UBE3A: variants seen among roughly 807,000 people sequenced by gnomAD.
UBE3A encodes ubiquitin protein ligase E3A, also known as ubiquitin-protein ligase E3A.
In UBE3A, 6 loss-of-function variants were observed where a neutral mutation model predicts 83.4. That is an observed-to-expected ratio of 0.07 (90% CI 0.04 to 0.14). The LOEUF (loss-of-function observed/expected upper bound fraction) is 0.14. UBE3A is among the 10% of genes least tolerant of loss of function. UBE3A has a pLI of 1.00. For synonymous variants in UBE3A, 337 were observed against 355.4 expected, an observed-to-expected ratio of 0.95 and a Z score of 0.58; for missense variants, 456 against 1,036.1, an observed-to-expected ratio of 0.44 and a Z score of 7.69.
At position 25,371,151 on chromosome 15, in the gene UBE3A, C is replaced by A; in HGVS notation, c.1023G>T (p.Gln341His). 1 of 1,614,158 alleles carries A rather than the reference C, an allele frequency of 6.2e-7. No individual in the cohort carries two copies. Among genetic ancestry groups the A allele is most frequent in the Non-Finnish European group, 8.5e-7 (1 of 1,180,028 alleles). Residue 341 changes from glutamine to histidine, a missense_variant, in exon 6 of 13, where the codon CAG becomes CAT. This residue lies in a region of UBE3A where 85 missense variants were observed against 137.0 expected (regional missense o/e 0.62). Coordinates refer to ENST00000648336, the MANE Select transcript of UBE3A (RefSeq NM_130839.5). The surrounding 1 kb of genome is among the most constrained non-coding windows in gnomAD (Gnocchi z 5.3). The part of the protein sequence containing the change: ...DQIRRMMETF[Q>H]QLITYKVISN... ...TTATGACTTTATAAGTAATAAGTTG[C>A]TGAAATGTCTCCATCATTCTCCGAA...
In UBE3A at chr15:25,438,866, T is replaced by G. The variant is rs1233742980; in HGVS notation, c.-542A>C. On this transcript the variant is annotated 5_prime_UTR_variant, in exon 1 of 13. Coordinates refer to ENST00000648336, the MANE Select transcript of UBE3A (RefSeq NM_130839.5). ...GATGGCGGGCGCCCGCGCTGGCGGA[T>G]GGCTACGCGGCGGAGGGGTGCGCGA... is the stretch of plus-strand genomic sequence containing the variant. 1 of 152,714 alleles carries G rather than the reference T, an allele frequency of 6.5e-6. No individual in the cohort carries two copies. Among genetic ancestry groups the G allele is most frequent in the African/African-American group, 2.4e-5 (1 of 41,436 alleles). 9.5% of individuals were successfully genotyped at this position (152,714 alleles called of 1,614,324 possible).
chr15:25,409,407 T>C (rs1002240072), intron 2 of UBE3A, 200 bp from the exon 3 acceptor site: 1 of 305,432 alleles, frequency 3.3e-6, no homozygotes, highest in Non-Finnish European at 6.1e-6. Context: ...GAAAATGTAA[T>C]AATTCCTTGT....
chr15:25,367,048 C>CCT (rs1317315079), intron 6 of UBE3A, among the ~76,000 whole-genome samples: 1 of 151,424 alleles, frequency 6.6e-6, no homozygotes, highest in Non-Finnish European at 1.5e-5. Context: ...AAACTTATAA[C>CCT]CTCTATCTTC....
chr15:25,404,932 A>T (rs1052350441), intron 4 of UBE3A, among the ~76,000 whole-genome samples: 1 of 150,700 alleles, frequency 6.6e-6, no homozygotes, highest in African/African-American at 2.4e-5. Flanking sequence ...GGCCACTCTT[A>T]CTTCCCTGCC....
chr15:25,362,373 T>C (rs1255571805), intron 6 of UBE3A, among the ~76,000 whole-genome samples: 7 of 152,140 alleles, frequency 4.6e-5, no homozygotes, highest in African/African-American at 1.7e-4. Flanking sequence ...AGACCAAGAG[T>C]CAGTCAGAAT....
chr15:25,368,585 T>C (rs575149753), intron 6 of UBE3A, among the ~76,000 whole-genome samples: 1 of 152,208 alleles, frequency 6.6e-6, no homozygotes, highest in East Asian at 1.9e-4. Context: ...CAAGTACATA[T>C]ACTATCTAGT....
intron 6 of UBE3A, among the ~76,000 whole-genome samples, chr15:25,362,414 A>G (rs925150363): frequency 6.6e-6 from 1 of 152,222 alleles, no homozygotes; most frequent in Admixed American, 6.5e-5. Context: ...CTCACTTACC[A>G]TAACTTTTAA....
At chr15:25,430,022 A>G (rs1892596527) in intron 1 of UBE3A, among the ~76,000 whole-genome samples, 2 of 27,998 alleles carry the variant, frequency 7.1e-5, no homozygotes, top group South Asian at 3.1e-3. Context: ...AAAACAAAAA[A>G]AAACCTATAT....
At chr15:25,366,128 A>G (rs888848726) in intron 6 of UBE3A, among the ~76,000 whole-genome samples, 1 of 152,156 alleles carries the variant, frequency 6.6e-6, no homozygotes, top group South Asian at 2.1e-4. Context: ...TCTCTCATTC[A>G]GTTTCTGAGA....
chr15:25,358,058 G>T (rs1346416973), intron 7 of UBE3A, among the ~76,000 whole-genome samples: 3 of 151,822 alleles, frequency 2.0e-5, no homozygotes, highest in Non-Finnish European at 2.9e-5. Context: ...CTGCGTGGAG[G>T]CCTTTTTTAT....
intron 11 of UBE3A, among the ~76,000 whole-genome samples, chr15:25,344,964 A>AT (rs1470364558): frequency 6.6e-6 from 1 of 152,064 alleles, no homozygotes; most frequent in African/African-American, 2.4e-5. Flanking sequence ...TATTATTATT[A>AT]TTTTTTGTTT....
intron 4 of UBE3A, among the ~76,000 whole-genome samples, chr15:25,395,997 G>C (rs1459169454): frequency 6.6e-6 from 1 of 152,120 alleles, no homozygotes; most frequent in Non-Finnish European, 1.5e-5. Context: ...GAGGTCAGGA[G>C]TTCAAGACCA....
At chr15:25,390,214 C>T (rs751160879) in intron 4 of UBE3A, among the ~76,000 whole-genome samples, 2 of 152,098 alleles carry the variant, frequency 1.3e-5, no homozygotes, top group Admixed American at 6.5e-5. Context: ...AAAAGGATAG[C>T]GTCATATTAG....
At chr15:25,339,594 A>G (rs1443188636) in intron 12 of UBE3A, 1 of 276,940 alleles carries the variant, frequency 3.6e-6, no homozygotes, top group African/African-American at 2.2e-5. Context: ...TTTAGAGGTT[A>G]GGTCACTGAG....
At chr15:25,350,237 T>C (rs941851371) in intron 11 of UBE3A, among the ~76,000 whole-genome samples, 3 of 151,562 alleles carry the variant, frequency 2.0e-5, no homozygotes, top group Admixed American at 2.0e-4. Flanking sequence ...GGAGTTTCAG[T>C]TTATAACAAT....
At chr15:25,385,925 G>C (rs891597046) in intron 4 of UBE3A, among the ~76,000 whole-genome samples, 1 of 152,136 alleles carries the variant, frequency 6.6e-6, no homozygotes, top group Non-Finnish European at 1.5e-5. Flanking sequence ...AGTAAATATA[G>C]GAGAAAAATC....
intron 11 of UBE3A, among the ~76,000 whole-genome samples, chr15:25,349,269 G>A (rs1280773512): frequency 2.0e-5 from 3 of 152,158 alleles, no homozygotes; most frequent in East Asian, 3.8e-4. Flanking sequence ...AATTTTATTG[G>A]TGGTGGATCA....
chr15:25,390,537 C>A (rs2084101610), intron 4 of UBE3A, among the ~76,000 whole-genome samples: 1 of 151,970 alleles, frequency 6.6e-6, no homozygotes, highest in Non-Finnish European at 1.5e-5. Context: ...GCTGAAAGGG[C>A]TATATACTGT....
chr15:25,414,732 A>C (rs1049213238), intron 1 of UBE3A, among the ~76,000 whole-genome samples: 2 of 152,192 alleles, frequency 1.3e-5, no homozygotes, highest in Non-Finnish European at 2.9e-5. Flanking sequence ...TCATCCTTAG[A>C]AATTCCCCTA....
Sources: gnomAD v4.1 joint callset for allele counts (sites outside exome capture counted in the v4.1 genomes callset) on GRCh38, gnomAD v4.1.1 for gene constraint, gnomAD v4.1.1 regional missense constraint, Gnocchi (gnomAD v3.1) non-coding constraint, MANE v1.5 for transcripts, NCBI Gene and HGNC (gene_info 2026-07-23, HGNC 2026-07-21) for gene names.